Variants in CARHSP1 observed in about 807,000 individuals in gnomAD.
CARHSP1 encodes the protein calcium regulated heat stable protein 1.
A neutral mutation model predicts 12.5 loss-of-function variants in CARHSP1; 14 were observed. The observed-to-expected ratio is 1.12, with a 90% CI of 0.74 to 1.75. The LOEUF is 1.75. CARHSP1 is among the 40% of genes most tolerant of loss of function. The pLI is 0.00. For synonymous variants in CARHSP1, 161 were observed against 82.0 expected, an observed-to-expected ratio of 1.96 and a Z score of -5.20; for missense variants, 343 against 201.6, an observed-to-expected ratio of 1.70 and a Z score of -4.25.
At chr16:8,863,581 A>G (rs994828638) in intron 1 of CARHSP1, among the ~76,000 whole-genome samples, 3 of 152,188 alleles carry the variant, frequency 2.0e-5, no homozygotes, top group Non-Finnish European at 4.4e-5. Flanking sequence ...GGGCGGGGGC[A>G]GTGCCAACTG....
In CARHSP1 at chr16:8,854,153, A is replaced by G. The variant is rs1445289918; in HGVS notation, c.*1011T>C. Reference sequence around the variant, plus strand: ...AGAGCCGGCTCTGGGTGAAAGCTTTAGTTATGAAAAATAAGAAAAAAAAAA... The same window carrying G: ...AGAGCCGGCTCTGGGTGAAAGCTTTGGTTATGAAAAATAAGAAAAAAAAAA... On this transcript the variant is annotated 3_prime_UTR_variant, in exon 4 of 4. Transcript: ENST00000311052. The G allele has an allele frequency of 6.6e-6, 1 of 151,692 alleles. No homozygotes were observed. Among genetic ancestry groups the G allele is most frequent in the East Asian group, 1.9e-4 (1 of 5,190 alleles). 9.4% of individuals were successfully genotyped at this position (151,692 alleles called of 1,614,324 possible).
intron 3 of CARHSP1, among the ~76,000 whole-genome samples, chr16:8,856,155 C>G (rs1202327337): frequency 6.6e-6 from 1 of 152,154 alleles, no homozygotes; most frequent in African/African-American, 2.4e-5. Flanking sequence ...GAAGCTAGTT[C>G]CTGGAGGGGC....
At chr16:8,861,225 C>T (rs1445201356) in intron 1 of CARHSP1, among the ~76,000 whole-genome samples, 2 of 113,744 alleles carry the variant, frequency 1.8e-5, no homozygotes, top group Admixed American at 2.3e-4. Context: ...CACTATGTTG[C>T]CCAGGCTGAT....
chr16:8,868,827 G>C (rs2061487510), intron 1 of CARHSP1, 139 bp downstream of exon 1: 1 of 151,978 alleles, frequency 6.6e-6, no homozygotes, highest in Non-Finnish European at 1.5e-5. Context: ...ACCCAGCCCG[G>C]AGCCCTCCTC....
chr16:8,855,688 A>G (rs2061079194), intron 3 of CARHSP1, among the ~76,000 whole-genome samples: 1 of 152,160 alleles, frequency 6.6e-6, no homozygotes, highest in Non-Finnish European at 1.5e-5. Flanking sequence ...AGAGAGAAAC[A>G]AGGCCATCAT....
intron 1 of CARHSP1, among the ~76,000 whole-genome samples, chr16:8,864,563 A>G (rs1295096878): frequency 1.3e-5 from 2 of 152,170 alleles, no homozygotes; most frequent in South Asian, 2.1e-4. Context: ...GCTAACAAAG[A>G]CCCTGGTGAA....
intron 3 of CARHSP1, among the ~76,000 whole-genome samples, chr16:8,855,533 C>CTAGGA (rs2061072722): frequency 6.6e-6 from 1 of 152,130 alleles, no homozygotes; most frequent in Non-Finnish European, 1.5e-5. Flanking sequence ...AGGCCCTGGC[C>CTAGGA]CAATCAGCTC....
At chr16:8,858,011 C>G in intron 3 of CARHSP1, 1 of 249,392 alleles carries the variant, frequency 4.0e-6, no homozygotes, top group Non-Finnish European at 7.9e-6. Flanking sequence ...GATCCACCCA[C>G]CTCGGCCTCC....
chr16:8,858,026 G>T (rs922066342), intron 3 of CARHSP1: 2 of 277,248 alleles, frequency 7.2e-6, no homozygotes, highest in East Asian at 1.6e-4. Context: ...GCCTCCCAAA[G>T]TGCTGGGATT....
At chr16:8,858,557 C>A (rs960515045) in intron 2 of CARHSP1, 85 bp from the exon 3 acceptor site, 13 of 1,529,562 alleles carry the variant, frequency 8.5e-6, no homozygotes, top group African/African-American at 4.1e-5. Context: ...ACAGCTGTGC[C>A]CCATCAAGCC....
At chr16:8,856,735 T>G (rs1382141968) in intron 3 of CARHSP1, among the ~76,000 whole-genome samples, 2 of 152,188 alleles carry the variant, frequency 1.3e-5, no homozygotes, top group East Asian at 3.9e-4. Flanking sequence ...TGTCTGCCCC[T>G]GCCTGAAGTA....
At chr16:8,866,046 T>G (rs2061449252) in intron 1 of CARHSP1, among the ~76,000 whole-genome samples, 1 of 152,118 alleles carries the variant, frequency 6.6e-6, no homozygotes, top group South Asian at 2.1e-4. Context: ...CTCAACCTCC[T>G]GGGCTCAAGG....
chr16:8,865,956 C>G (rs148993145), intron 1 of CARHSP1, among the ~76,000 whole-genome samples: 12 of 152,142 alleles, frequency 7.9e-5, no homozygotes, highest in African/African-American at 2.9e-4. Context: ...TTCTTCATTT[C>G]TTTTTTATTT....
At chr16:8,860,814 G>A (rs1185188534) in intron 1 of CARHSP1, among the ~76,000 whole-genome samples, 2 of 151,990 alleles carry the variant, frequency 1.3e-5, no homozygotes, top group African/African-American at 4.8e-5. Context: ...ACTTTGAGAG[G>A]CAGAGGCAGG....
chr16:8,859,604 T>C (rs903382382), intron 1 of CARHSP1, among the ~76,000 whole-genome samples: 6 of 151,918 alleles, frequency 3.9e-5, no homozygotes, highest in African/African-American at 1.5e-4. Flanking sequence ...CCCCTCTGTG[T>C]CCCCAGCACA....
intron 3 of CARHSP1, chr16:8,857,387 A>G (rs1021893697): frequency 7.6e-5 from 10 of 131,582 alleles, no homozygotes; most frequent in African/African-American, 2.3e-4. Context: ...GGTTCAAGTG[A>G]TTCTCCTGCC....
intron 3 of CARHSP1, among the ~76,000 whole-genome samples, chr16:8,857,263 G>GTTTTTTGTTGTTTTTTTT (rs1315960023): frequency 1.8e-5 from 1 of 57,006 alleles, no homozygotes; most frequent in Non-Finnish European, 3.7e-5. Context: ...GGGCAGATCT[G>GTTTTTTGTTGTTTTTTTT]TTTTTTTTTT....
At position 8,856,520 on chromosome 16, in the gene CARHSP1, C is replaced by T. The variant is rs182360428; in HGVS notation, c.282-1194G>A. Among the ~76,000 whole-genome samples, 57 of 151,362 alleles carry T rather than the reference C, an allele frequency of 3.8e-4. 1 individual carries two copies. The highest frequency in any genetic ancestry group is 1.4e-3 in the African/African-American group (57 of 41,364). On this transcript the variant is annotated intron_variant, in intron 3 of 3. Coordinates refer to ENST00000311052, the MANE Select transcript of CARHSP1 (RefSeq NM_014316.4). ...TACTGATTCAAAATCCTTTCTGGGA[C>T]AAGGCAGTATGGAAATACCCTTACA...
chr16:8,855,953 C>G (rs972844251), intron 3 of CARHSP1, among the ~76,000 whole-genome samples: 10 of 152,160 alleles, frequency 6.6e-5, no homozygotes, highest in Admixed American at 1.3e-4. Context: ...GTATCTGGGA[C>G]TATAGGCACC....
Sources: gnomAD v4.1 joint callset for allele counts (sites outside exome capture counted in the v4.1 genomes callset) on GRCh38, gnomAD v4.1.1 for gene constraint, MANE v1.5 for transcripts, NCBI Gene and HGNC (gene_info 2026-07-23, HGNC 2026-07-21) for gene names.